The following FGF16 variants were observed in gnomAD, a reference collection of about 807,000 sequenced individuals.
FGF16 encodes the protein metacarpal 4-5 fusion.
In FGF16, 2 loss-of-function variants were observed where a neutral mutation model predicts 8.5. The observed-to-expected ratio is 0.24, with a 90% CI of 0.10 to 0.75. The LOEUF is 0.75. FGF16 is among the 30% of genes least tolerant of loss of function. The pLI, the probability that FGF16 is intolerant of heterozygous loss-of-function variation, is 0.74. For synonymous variants in FGF16, 33 were observed against 34.6 expected (o/e 0.95, Z 0.16); for missense variants, 79 against 87.4 (o/e 0.90, Z 0.38).
At chrX:77,456,148 T>A in intron 2 of FGF16, 129 bp from the exon 3 acceptor site, 1 of 584,589 alleles carries the variant, frequency 1.7e-6, no homozygotes, top group East Asian at 3.3e-5. Flanking sequence ...CCTCCAGTAA[T>A]ACAGAGAGAT....
intron 1 of FGF16, among the ~76,000 whole-genome samples, chrX:77,452,904 C>T (rs920870106): frequency 9.0e-5 from 10 of 110,898 alleles, no homozygotes; most frequent in Non-Finnish European, 1.7e-4. Flanking sequence ...ATGGTGAAAC[C>T]TTGTCTCTAG....
chrX:77,455,995 C>T (rs1222789683), intron 2 of FGF16, among the ~76,000 whole-genome samples: 1 of 112,385 alleles, frequency 8.9e-6, no homozygotes, highest in Non-Finnish European at 1.9e-5. Context: ...CAGCAATTCT[C>T]AGGCTCAGAG....
At chrX:77,449,247 T>G (rs888908405) in intron 1 of FGF16, among the ~76,000 whole-genome samples, 3 of 111,329 alleles carry the variant, frequency 2.7e-5, no homozygotes, top group Non-Finnish European at 5.7e-5. Flanking sequence ...TATGGTATCT[T>G]GGAAAAATGC....
intron 1 of FGF16, among the ~76,000 whole-genome samples, chrX:77,450,163 G>T (rs2062552755): frequency 8.9e-6 from 1 of 112,258 alleles, no homozygotes; most frequent in Non-Finnish European, 1.9e-5. Context: ...CAACATTCCA[G>T]CAGGGTAAAG....
chrX:77,454,130 G>C, intron 1 of FGF16, 27 bp from the exon 2 acceptor site: 1 of 991,612 alleles, frequency 1.0e-6, no homozygotes, highest in Admixed American at 2.3e-5. Context: ...TGCTGGTAAT[G>C]GGAATAGTGT....
chrX:77,454,293 T>G, intron 2 of FGF16, 33 bp downstream of exon 2: 1 of 826,616 alleles, frequency 1.2e-6, no homozygotes, highest in Non-Finnish European at 1.7e-6. Flanking sequence ...TTTTTTTTTT[T>G]TTTTTTTTTG....
intron 2 of FGF16, among the ~76,000 whole-genome samples, chrX:77,455,095 G>A (rs1557027019): frequency 2.7e-5 from 3 of 111,821 alleles, no homozygotes; most frequent in Admixed American, 9.5e-5. Context: ...CACTGCACCC[G>A]GCCCCAAAAC....
chrX:77,452,568 C>T (rs1316238795), intron 1 of FGF16, among the ~76,000 whole-genome samples: 2 of 112,734 alleles, frequency 1.8e-5, no homozygotes, highest in Non-Finnish European at 3.7e-5. Context: ...AATAACCTTA[C>T]ATCCTTCCAA....
chrX:77,448,021 G>T (rs984448169), intron 1 of FGF16, 73 bp downstream of exon 1: 2 of 297,365 alleles, frequency 6.7e-6, no homozygotes, highest in Non-Finnish European at 1.2e-5. Context: ...GGGCTCAGGC[G>T]TAGGGCCCGC....
At chrX:77,448,425 G>A (rs1413861997) in intron 1 of FGF16, among the ~76,000 whole-genome samples, 2 of 112,763 alleles carry the variant, frequency 1.8e-5, no homozygotes, top group Admixed American at 1.9e-4. Context: ...CTTTTGGCCC[G>A]TGGGTACCAG....
chrX:77,452,439 C>T (rs1412189570), intron 1 of FGF16, among the ~76,000 whole-genome samples: 1 of 112,591 alleles, frequency 8.9e-6, no homozygotes. Context: ...TCTCATTTCC[C>T]GAGACTCCTT....
chrX:77,456,170 T>C (rs2062571241), intron 2 of FGF16, 107 bp from the exon 3 acceptor site: 5 of 752,082 alleles, frequency 6.6e-6, no homozygotes, highest in Non-Finnish European at 8.0e-6. Flanking sequence ...GGACTGGAAT[T>C]TTCTAACATC....
intron 1 of FGF16, among the ~76,000 whole-genome samples, chrX:77,451,090 C>T (rs1222152983): frequency 1.8e-5 from 2 of 111,763 alleles, no homozygotes; most frequent in East Asian, 5.6e-4. Flanking sequence ...GGAAAGTTGG[C>T]GAGGGAAAAT....
In FGF16 at chrX:77,454,164, G is replaced by C; in HGVS notation, c.282G>C (p.Leu94=). Residue 94 remains leucine (L), a synonymous_variant, in exon 2 of 3, where the codon CTG becomes CTC. Coordinates refer to ENST00000439435, the MANE Select transcript of FGF16 (RefSeq NM_003868.3). ...TRHDHSRFGI[L]EFISLAVGLI... ...GTTCACTTTTTGCCCTAGGAATCCT[G>C]GAGTTTATCAGCCTGGCTGTGGGGC... 1 of 1,188,473 alleles carries C rather than the reference G, an allele frequency of 8.4e-7. No homozygotes were observed. Among genetic ancestry groups the C allele is most frequent in the Non-Finnish European group, 1.1e-6 (1 of 877,505 alleles).
At chrX:77,453,344 C>G (rs1191541699) in intron 1 of FGF16, among the ~76,000 whole-genome samples, 3 of 111,796 alleles carry the variant, frequency 2.7e-5, no homozygotes, top group Non-Finnish European at 5.6e-5. Context: ...AGGACTGCTG[C>G]TGGGTAAATG....
intron 1 of FGF16, 148 bp from the exon 2 acceptor site, chrX:77,454,009 C>G: frequency 4.2e-6 from 2 of 477,107 alleles, no homozygotes; most frequent in Non-Finnish European, 7.4e-6. Context: ...CCATTCTTGC[C>G]GCAAAAGATG....
rs1024074818 is a variant in FGF16, at chrX:77,447,944, C to T, written c.270C>T (p.Arg90=). Residue 90 remains arginine, a synonymous_variant, in exon 1 of 3, where the codon CGC becomes CGT. Transcript: ENST00000439435. ...ACGGGACCCGCCACGACCACAGCCG[C>T]TTCGGTGAGGACGCGGTCGGGGGAA... is the stretch of plus-strand genomic sequence containing the variant. ...TVHGTRHDHS[R]FGILEFISLA... 2 of 297,303 alleles carry T rather than the reference C, an allele frequency of 6.7e-6. No homozygotes were observed. Among genetic ancestry groups the T allele is most frequent in the Non-Finnish European group, 1.2e-5 (2 of 170,266 alleles). 24.5% of individuals were successfully genotyped at this position (297,303 alleles called of 1,213,427 possible).
intron 1 of FGF16, among the ~76,000 whole-genome samples, chrX:77,448,661 A>G (rs1466591926): frequency 8.9e-6 from 1 of 111,797 alleles, no homozygotes; most frequent in Admixed American, 9.4e-5. Context: ...TCTTGGGCCC[A>G]AAGCAGGAAA....
At chrX:77,448,397 C>G (rs1402774284) in intron 1 of FGF16, among the ~76,000 whole-genome samples, 2 of 112,662 alleles carry the variant, frequency 1.8e-5, no homozygotes, top group Non-Finnish European at 3.8e-5. Flanking sequence ...GTGAGGCGGT[C>G]GGCCGGCACA....
Sources: allele counts gnomAD v4.1 joint callset (sites outside exome capture counted in the v4.1 genomes callset), GRCh38; gene constraint gnomAD v4.1.1; transcripts MANE v1.5; gene names NCBI Gene and HGNC (gene_info 2026-07-23, HGNC 2026-07-21).